The following INPP4B variants were observed in gnomAD, a reference collection of about 807,000 sequenced individuals.
INPP4B encodes inositol polyphosphate-4-phosphatase type II B.
A neutral mutation model predicts 122.5 loss-of-function variants in INPP4B; 55 were observed. That is an observed-to-expected ratio of 0.45 (90% CI 0.36 to 0.56). The LOEUF (loss-of-function observed/expected upper bound fraction) is 0.56. Among genes scored for constraint, INPP4B ranks in the 20% least tolerant of loss-of-function variants. The probability of loss-of-function intolerance (pLI) is 0.00; values close to 1 mark genes in which losing one functional copy is unlikely to be tolerated. For missense variants in INPP4B, 1,000 were observed against 1,097.7 expected (o/e 0.91, Z 1.26); for synonymous variants, 403 against 388.7 (o/e 1.04, Z -0.43).
intron 23 of INPP4B, among the ~76,000 whole-genome samples, chr4:142,095,204 T>C (rs995540153): frequency 6.6e-6 from 1 of 152,104 alleles, no homozygotes; most frequent in African/African-American, 2.4e-5. Flanking sequence ...TGATGCAGAA[T>C]TGGGAGAATG....
At chr4:142,105,695 T>C (rs146899091) in intron 23 of INPP4B, among the ~76,000 whole-genome samples, 1 of 152,282 alleles carries the variant, frequency 6.6e-6, no homozygotes, top group Non-Finnish European at 1.5e-5. Flanking sequence ...TCATAAATCA[T>C]TTAAAAAGAG....
chr4:142,716,580 C>T (rs1763802017), intron 2 of INPP4B, among the ~76,000 whole-genome samples: 1 of 152,218 alleles, frequency 6.6e-6, no homozygotes, highest in African/African-American at 2.4e-5. Flanking sequence ...TAGCATTTCT[C>T]ATGTTATGGC....
At chr4:142,260,958 G>C (rs1332412233) in intron 10 of INPP4B, among the ~76,000 whole-genome samples, 1 of 152,162 alleles carries the variant, frequency 6.6e-6, no homozygotes, top group African/African-American at 2.4e-5. Context: ...TTAAGTAATT[G>C]CAACTTTAAA....
chr4:142,541,106 AC>A (rs1352713096), intron 2 of INPP4B, among the ~76,000 whole-genome samples: 1 of 152,244 alleles, frequency 6.6e-6, no homozygotes, highest in Non-Finnish European at 1.5e-5. Flanking sequence ...TTTTGTCATA[AC>A]AAGTATCAAT....
intron 2 of INPP4B, among the ~76,000 whole-genome samples, chr4:142,515,844 T>G (rs1386440184): frequency 6.6e-6 from 1 of 152,202 alleles, no homozygotes; most frequent in Non-Finnish European, 1.5e-5. Flanking sequence ...TATGGATGTT[T>G]GTTCTTGAAA....
intron 2 of INPP4B, among the ~76,000 whole-genome samples, chr4:142,635,930 T>C (rs1478336574): frequency 2.0e-5 from 3 of 152,194 alleles, no homozygotes; most frequent in East Asian, 3.8e-4. Context: ...CATTTCTATA[T>C]GCCAGAAATA....
chr4:142,245,540 A>C (rs556429681), intron 11 of INPP4B, among the ~76,000 whole-genome samples: 1 of 152,084 alleles, frequency 6.6e-6, no homozygotes, highest in African/African-American at 2.4e-5. Flanking sequence ...TATTGGCCTG[A>C]AATTTTCTTT....
At chr4:142,216,214 C>T (rs1208871557) in intron 12 of INPP4B, among the ~76,000 whole-genome samples, 1 of 152,158 alleles carries the variant, frequency 6.6e-6, no homozygotes, top group Non-Finnish European at 1.5e-5. Context: ...GAATTCATTG[C>T]TTTACTCTCA....
At chr4:142,581,663 T>C (rs1735117950) in intron 2 of INPP4B, among the ~76,000 whole-genome samples, 1 of 151,610 alleles carries the variant, frequency 6.6e-6, no homozygotes, top group Admixed American at 6.6e-5. Context: ...TAGAAATAGA[T>C]AGAAGTTCTA....
chr4:142,547,978 G>A (rs11100750), intron 2 of INPP4B, among the ~76,000 whole-genome samples: 90,100 of 151,962 alleles, frequency 0.59, 28,158 homozygotes, highest in Non-Finnish European at 0.7. Flanking sequence ...CTTAAAGATT[G>A]AGAGAAAAGC....
chr4:142,796,906 GTGTGTGTGTC>G (rs879301984), intron 1 of INPP4B, among the ~76,000 whole-genome samples: 3,080 of 140,708 alleles, frequency 0.022, 41 homozygotes, highest in South Asian at 0.055. Flanking sequence ...GTGTGTGTGT[GTGTGTGTGTC>G]TGTGTGTAAT....
chr4:142,060,908 C>G (rs1470277516), intron 25 of INPP4B, among the ~76,000 whole-genome samples: 1 of 152,116 alleles, frequency 6.6e-6, no homozygotes, highest in Non-Finnish European at 1.5e-5. Context: ...AAATTTAGAA[C>G]ATGGTATTTG....
At chr4:142,526,885 T>G (rs1374159502) in intron 2 of INPP4B, among the ~76,000 whole-genome samples, 3 of 152,058 alleles carry the variant, frequency 2.0e-5, no homozygotes, top group Non-Finnish European at 2.9e-5. Context: ...TGTTTAACGA[T>G]ATAGACAAAA....
chr4:142,342,104 T>G (rs916593858), intron 7 of INPP4B, among the ~76,000 whole-genome samples: 11 of 152,126 alleles, frequency 7.2e-5, no homozygotes, highest in African/African-American at 2.4e-4. Flanking sequence ...ATCCTCAGAT[T>G]CCTTTTGGGT....
chr4:142,165,314 T>C (rs1239847896), intron 16 of INPP4B, among the ~76,000 whole-genome samples: 2 of 151,884 alleles, frequency 1.3e-5, no homozygotes, highest in East Asian at 3.9e-4. Context: ...CAATTTATTC[T>C]ACTTATACCT....
chr4:142,767,670 A>C (rs1317820831), intron 1 of INPP4B: 1 of 152,160 alleles, frequency 6.6e-6, no homozygotes, highest in East Asian at 1.9e-4. Context: ...CTCTGGAAGG[A>C]GTTACGAATG....
At chr4:142,806,918 C>T (rs1038640464) in intron 1 of INPP4B, among the ~76,000 whole-genome samples, 11 of 152,008 alleles carry the variant, frequency 7.2e-5, no homozygotes, top group Admixed American at 1.3e-4. Flanking sequence ...CTCCCTAGAG[C>T]TTGAACAGGG....
At chr4:142,256,186 C>A (rs1735905044) in intron 11 of INPP4B, among the ~76,000 whole-genome samples, 1 of 150,796 alleles carries the variant, frequency 6.6e-6, no homozygotes, top group Admixed American at 6.6e-5. Flanking sequence ...ACCAGAATCT[C>A]TGGGATGCAT....
chr4:142,557,743 C>A (rs1377016481), intron 2 of INPP4B, among the ~76,000 whole-genome samples: 1 of 152,056 alleles, frequency 6.6e-6, no homozygotes, highest in South Asian at 2.1e-4. Context: ...TAAGGTGCAA[C>A]TAAAATAATT....
Sources: allele counts gnomAD v4.1 joint callset (sites outside exome capture counted in the v4.1 genomes callset), GRCh38; gene constraint gnomAD v4.1.1; transcripts MANE v1.5; gene names NCBI Gene and HGNC (gene_info 2026-07-23, HGNC 2026-07-21).